Variants in PTPRD observed in about 807,000 individuals in gnomAD.
The protein encoded by PTPRD is protein tyrosine phosphatase receptor type D, also known as receptor-type tyrosine-protein phosphatase delta.
A neutral mutation model predicts 214.5 loss-of-function variants in PTPRD; 34 were observed. The ratio of observed to expected loss-of-function variants is 0.16; its 90% confidence interval spans 0.12 to 0.21. PTPRD has a LOEUF of 0.21. PTPRD is among the 10% of genes least tolerant of loss of function. PTPRD has a pLI of 1.00. For missense variants in PTPRD, 2,545 were observed against 2,398.7 expected (o/e 1.06, Z -1.27); for synonymous variants, 1,128 against 845.7 (o/e 1.33, Z -5.79).
chr9:9,862,634 G>C (rs1273206200), intron 5 of PTPRD, among the ~76,000 whole-genome samples: 2 of 141,098 alleles, frequency 1.4e-5, no homozygotes, highest in African/African-American at 2.6e-5. Flanking sequence ...GAAATGATTT[G>C]TATGTAGAAA....
intron 2 of PTPRD, among the ~76,000 whole-genome samples, chr9:10,536,044 C>G (rs567788116): frequency 6.6e-6 from 1 of 152,202 alleles, no homozygotes; most frequent in African/African-American, 2.4e-5. Context: ...TAGCAAACCT[C>G]TTACAGCGGA....
chr9:8,850,237 C>T (rs10123580), intron 11 of PTPRD, among the ~76,000 whole-genome samples: 33,256 of 151,778 alleles, frequency 0.22, 4,114 homozygotes, highest in South Asian at 0.34. Context: ...CAGAGACAAG[C>T]GAGGAAATTT....
intron 8 of PTPRD, among the ~76,000 whole-genome samples, chr9:9,471,235 A>G (rs1255909968): frequency 1.3e-5 from 2 of 152,194 alleles, no homozygotes; most frequent in African/African-American, 4.8e-5. Context: ...ATCTATAAAT[A>G]CCAACATATA....
At chr9:9,753,367 C>T (rs1038625249) in intron 6 of PTPRD, among the ~76,000 whole-genome samples, 6 of 151,946 alleles carry the variant, frequency 3.9e-5, no homozygotes, top group African/African-American at 9.7e-5. Context: ...TAGCTGGACC[C>T]GCCAGAGCTG....
At chr9:9,412,772 A>G (rs554556435) in intron 8 of PTPRD, among the ~76,000 whole-genome samples, 1 of 152,220 alleles carries the variant, frequency 6.6e-6, no homozygotes, top group East Asian at 1.9e-4. Flanking sequence ...CTCTTTTGGC[A>G]CAAAATTTCA....
intron 9 of PTPRD, among the ~76,000 whole-genome samples, chr9:9,311,857 G>C (rs1361159675): frequency 6.6e-6 from 1 of 152,082 alleles, no homozygotes; most frequent in Non-Finnish European, 1.5e-5. Context: ...GATAAAAATA[G>C]AATGTTTAAA....
intron 2 of PTPRD, among the ~76,000 whole-genome samples, chr9:10,346,367 A>T (rs1053596798): frequency 1.3e-5 from 2 of 152,182 alleles, no homozygotes; most frequent in Non-Finnish European, 1.5e-5. Flanking sequence ...TAAATGAATC[A>T]ATCAACTAGG....
At chr9:10,107,856 C>A (rs2098650204) in intron 3 of PTPRD, among the ~76,000 whole-genome samples, 1 of 152,196 alleles carries the variant, frequency 6.6e-6, no homozygotes, top group South Asian at 2.1e-4. Flanking sequence ...TCTCAGTGGC[C>A]TAAAGGTATT....
At chr9:9,770,775 A>G (rs923970114) in intron 5 of PTPRD, among the ~76,000 whole-genome samples, 5 of 152,182 alleles carry the variant, frequency 3.3e-5, no homozygotes, top group African/African-American at 1.2e-4. Context: ...TCCATAAAAC[A>G]GTTCATTAAT....
intron 3 of PTPRD, among the ~76,000 whole-genome samples, chr9:10,298,299 G>C (rs1316239865): frequency 6.6e-6 from 1 of 152,038 alleles, no homozygotes; most frequent in Non-Finnish European, 1.5e-5. Flanking sequence ...ATGCATTACA[G>C]GTTCCAATAA....
chr9:9,688,600 C>A (rs961200114), intron 7 of PTPRD, among the ~76,000 whole-genome samples: 68 of 151,896 alleles, frequency 4.5e-4, no homozygotes, highest in African/African-American at 1.5e-3. Flanking sequence ...ACAAAGTTTG[C>A]GTGAGTGATG....
At chr9:9,970,707 C>T (rs1296533909) in intron 4 of PTPRD, among the ~76,000 whole-genome samples, 1 of 151,998 alleles carries the variant, frequency 6.6e-6, no homozygotes, top group Non-Finnish European at 1.5e-5. Context: ...GCTGGTTGAC[C>T]GAATAGAGTC....
intron 14 of PTPRD, among the ~76,000 whole-genome samples, chr9:8,576,117 C>G (rs1276311425): frequency 6.6e-6 from 1 of 152,156 alleles, no homozygotes; most frequent in Non-Finnish European, 1.5e-5. Context: ...AACACCAAAC[C>G]TTGAAGTGTT....
At chr9:8,966,938 AAAC>A (rs552559377) in intron 11 of PTPRD, among the ~76,000 whole-genome samples, 42 of 151,826 alleles carry the variant, frequency 2.8e-4, no homozygotes, top group Admixed American at 2.6e-3. Flanking sequence ...ACAAACAACA[AAAC>A]AACAAACAAA....
Position 9,279,573 on chromosome 9 carries a change from T to C in PTPRD, c.-202-96210A>G, listed in dbSNP as rs539814084. On this transcript the variant is annotated intron_variant, in intron 9 of 45. Coordinates refer to ENST00000381196, the MANE Select transcript of PTPRD (RefSeq NM_002839.4). ...TCGTTTTTGTAAAAGTCAGTATTTC[T>C]ATTGCAGACAATATTACAAAGCATG... Among the ~76,000 whole-genome samples the C allele has an allele frequency of 8.0e-5, 12 of 150,816 alleles. No individual in the cohort carries two copies. The East Asian group carries it at 2.2e-3, about 27-fold the overall frequency.
rs140389246 is a variant in PTPRD, at chr9:9,965,922, A to C, written c.-471-27312T>G. On this transcript the variant is annotated intron_variant, in intron 4 of 45. Coordinates refer to ENST00000381196, the MANE Select transcript of PTPRD (RefSeq NM_002839.4). ...CCTTAGTGAGCATGTTGTATGATTT[A>C]ACATATCAACAGATAATTGCATGTA... 2.7e-3 allele frequency among the ~76,000 whole-genome samples: 410 copies of C among 152,366 alleles called. 2 individuals are homozygous for C. Among genetic ancestry groups the C allele is most frequent in the African/African-American group, 8.9e-3 (371 of 41,594 alleles).
chr9:10,462,425 T>G (rs1349924794), intron 2 of PTPRD, among the ~76,000 whole-genome samples: 1 of 152,096 alleles, frequency 6.6e-6, no homozygotes. Context: ...TTCTGGAAAG[T>G]AAACTAATTC....
chr9:8,401,207 C>G (rs2092339947), intron 36 of PTPRD, among the ~76,000 whole-genome samples: 1 of 150,352 alleles, frequency 6.7e-6, no homozygotes, highest in Non-Finnish European at 1.5e-5. Context: ...TTCTGTTGCC[C>G]AAGCTGGAGT....
At chr9:8,439,850 C>T (rs10977107) in intron 34 of PTPRD, among the ~76,000 whole-genome samples, 2 of 151,222 alleles carry the variant, frequency 1.3e-5, no homozygotes, top group Non-Finnish European at 1.5e-5. Flanking sequence ...AATGTTTTGT[C>T]TGGCAACCTG....
Sources: gnomAD v4.1 joint callset for allele counts (sites outside exome capture counted in the v4.1 genomes callset) on GRCh38, gnomAD v4.1.1 for gene constraint, MANE v1.5 for transcripts, NCBI Gene and HGNC (gene_info 2026-07-23, HGNC 2026-07-21) for gene names.